CNTN4: variants seen among roughly 807,000 people sequenced by gnomAD.
CNTN4 encodes contactin 4, also known as contactin-4.
In CNTN4, 77 loss-of-function variants were observed where a neutral mutation model predicts 122.5. The ratio of observed to expected loss-of-function variants is 0.63; its 90% CI spans 0.52 to 0.76. The LOEUF (loss-of-function observed/expected upper bound fraction) is 0.76, where lower values mean the gene tolerates loss of function less well. Among genes scored for constraint, CNTN4 ranks in the 30% least tolerant of loss-of-function variants. The pLI is 0.00. For missense variants in CNTN4, 1,256 were observed against 1,259.1 expected (o/e 1.00, Z 0.04); for synonymous variants, 512 against 447.0 (o/e 1.15, Z -1.83).
At chr3:2,119,011 G>A (rs1262792017) in intron 2 of CNTN4, among the ~76,000 whole-genome samples, 1 of 152,158 alleles carries the variant, frequency 6.6e-6, no homozygotes, top group East Asian at 1.9e-4. Flanking sequence ...AACATGTCTG[G>A]ATGATGCTGT....
chr3:3,043,555 A>C, intron 22 of CNTN4, 37 bp from the exon 23 acceptor site: 1 of 1,470,896 alleles, frequency 6.8e-7, no homozygotes, highest in Non-Finnish European at 9.5e-7. Flanking sequence ...TTGAGACTTA[A>C]TAATCTGTGA....
At chr3:2,701,018 A>G (rs1485658131) in intron 4 of CNTN4, among the ~76,000 whole-genome samples, 3 of 152,200 alleles carry the variant, frequency 2.0e-5, no homozygotes. Flanking sequence ...AGATACAATA[A>G]TGCTTCACAC....
intron 3 of CNTN4, among the ~76,000 whole-genome samples, chr3:2,382,120 A>G (rs1180182212): frequency 2.6e-5 from 4 of 151,816 alleles, no homozygotes; most frequent in Non-Finnish European, 4.4e-5. Flanking sequence ...TATAAAAAAC[A>G]TGGTATACAC....
intron 2 of CNTN4, among the ~76,000 whole-genome samples, chr3:2,281,582 G>A (rs2041716273): frequency 6.6e-6 from 1 of 151,968 alleles, no homozygotes; most frequent in African/African-American, 2.4e-5. Flanking sequence ...TCCCTGTCAT[G>A]CCTGGCAATG....
chr3:3,022,071 CAAAAAAAA>C (rs36094888), intron 14 of CNTN4, among the ~76,000 whole-genome samples: 3 of 110,630 alleles, frequency 2.7e-5, no homozygotes, highest in Admixed American at 9.7e-5. Context: ...ACCAAGAATT[CAAAAAAAA>C]AAAAAAAAAA....
intron 7 of CNTN4, among the ~76,000 whole-genome samples, chr3:2,863,792 C>T (rs1427056850): frequency 6.6e-6 from 1 of 151,962 alleles, no homozygotes; most frequent in African/African-American, 2.4e-5. Flanking sequence ...TCTTGCCAGT[C>T]CTGAAAGAAA....
At chr3:2,566,191 G>T (rs1334194371) in intron 3 of CNTN4, among the ~76,000 whole-genome samples, 1 of 152,154 alleles carries the variant, frequency 6.6e-6, no homozygotes, top group Non-Finnish European at 1.5e-5. Context: ...GTCACCATCA[G>T]GATGTTATCT....
At chr3:2,983,108 G>A (rs1392903760) in intron 13 of CNTN4, among the ~76,000 whole-genome samples, 3 of 150,658 alleles carry the variant, frequency 2.0e-5, no homozygotes, top group Non-Finnish European at 4.4e-5. Flanking sequence ...CAGCTACTCG[G>A]GAGGCTGAGA....
chr3:2,490,047 G>A (rs940117293), intron 3 of CNTN4, among the ~76,000 whole-genome samples: 1 of 150,760 alleles, frequency 6.6e-6, no homozygotes, highest in Admixed American at 6.6e-5. Context: ...TTCTGAAATA[G>A]CAGGATTAGA....
At chr3:2,906,679 A>AAG (rs536789138) in intron 12 of CNTN4, among the ~76,000 whole-genome samples, 2 of 151,186 alleles carry the variant, frequency 1.3e-5, no homozygotes, top group African/African-American at 4.9e-5. Flanking sequence ...ATCTACTAAA[A>AAG]ATATATATAT....
chr3:2,461,946 A>G (rs1457771971), intron 3 of CNTN4, among the ~76,000 whole-genome samples: 1 of 152,120 alleles, frequency 6.6e-6, no homozygotes, highest in Non-Finnish European at 1.5e-5. Context: ...ATTCTCAAAG[A>G]GAAGAAGCTT....
intron 4 of CNTN4, among the ~76,000 whole-genome samples, chr3:2,615,726 A>G (rs1305815643): frequency 6.6e-6 from 1 of 152,156 alleles, no homozygotes; most frequent in Admixed American, 6.6e-5. Context: ...AGAATAAAGG[A>G]AATTTTAAAG....
intron 2 of CNTN4, among the ~76,000 whole-genome samples, chr3:2,248,249 G>T (rs1311730287): frequency 6.6e-6 from 1 of 151,930 alleles, no homozygotes; most frequent in Admixed American, 6.6e-5. Context: ...AGAAGCTAAT[G>T]TTTGGTGCCA....
intron 12 of CNTN4, among the ~76,000 whole-genome samples, chr3:2,917,930 G>A (rs1157692010): frequency 6.6e-6 from 1 of 151,846 alleles, no homozygotes; most frequent in African/African-American, 2.4e-5. Context: ...CAGAAGAAGA[G>A]CATTGGCACC....
At chr3:3,018,654 T>C (rs931386631) in intron 14 of CNTN4, among the ~76,000 whole-genome samples, 1 of 152,206 alleles carries the variant, frequency 6.6e-6, no homozygotes, top group South Asian at 2.1e-4. Context: ...CAGGATAAGA[T>C]ACAGAAATAC....
chr3:2,831,315 C>T (rs932996138), intron 7 of CNTN4, among the ~76,000 whole-genome samples: 1 of 152,170 alleles, frequency 6.6e-6, no homozygotes, highest in Non-Finnish European at 1.5e-5. Flanking sequence ...CTTTTCAAAT[C>T]AATCAAACTG....
intron 2 of CNTN4, among the ~76,000 whole-genome samples, chr3:2,224,856 G>T (rs1367577520): frequency 6.6e-6 from 1 of 152,132 alleles, no homozygotes; most frequent in Non-Finnish European, 1.5e-5. Flanking sequence ...GATATTAGAA[G>T]TACTAAGGTT....
chr3:2,763,916 G>A (rs1443595554), intron 6 of CNTN4, among the ~76,000 whole-genome samples: 1 of 151,292 alleles, frequency 6.6e-6, no homozygotes, highest in Non-Finnish European at 1.5e-5. Context: ...TGGGTAGCAT[G>A]ATGCCTCCAG....
chr3:2,466,207 G>A (rs1240465168), intron 3 of CNTN4, among the ~76,000 whole-genome samples: 1 of 152,004 alleles, frequency 6.6e-6, no homozygotes, highest in Non-Finnish European at 1.5e-5. Context: ...CAAATATTAG[G>A]GCCATTAGAA....
Sources: allele counts gnomAD v4.1 joint callset (sites outside exome capture counted in the v4.1 genomes callset), GRCh38; gene constraint gnomAD v4.1.1; transcripts MANE v1.5; gene names NCBI Gene and HGNC (gene_info 2026-07-23, HGNC 2026-07-21).